Variants in TRHDE observed in about 807,000 individuals in gnomAD.
The protein encoded by TRHDE is thyrotropin releasing hormone degrading enzyme, also known as thyrotropin-releasing hormone-degrading ectoenzyme.
TRHDE carries 72 observed loss-of-function variants against 125.7 expected under a neutral mutation model. That is an observed-to-expected ratio of 0.57 (90% CI 0.47 to 0.70). The LOEUF (loss-of-function observed/expected upper bound fraction) is 0.70, where lower values mean the gene tolerates loss of function less well. Among genes scored for constraint, TRHDE ranks in the 30% least tolerant of loss-of-function variants. The probability of loss-of-function intolerance (pLI) is 0.00; values close to 1 mark genes in which losing one functional copy is unlikely to be tolerated. For synonymous variants in TRHDE, 509 were observed against 509.1 expected (o/e 1.00, Z 0.00); for missense variants, 1,110 against 1,327.1 (o/e 0.84, Z 2.54).
intron 2 of TRHDE, among the ~76,000 whole-genome samples, chr12:72,148,394 G>A (rs1328735258): frequency 6.6e-6 from 1 of 152,078 alleles, no homozygotes; most frequent in Non-Finnish European, 1.5e-5. Flanking sequence ...AATATTTAAA[G>A]TAGCAAAAAA....
chr12:72,480,291 T>C, intron 5 of TRHDE, among the ~76,000 whole-genome samples: 1 of 150,550 alleles, frequency 6.6e-6, no homozygotes. Context: ...AGTGTAAAAG[T>C]GTTCCTATTT....
chr12:72,636,618 C>G (rs1379266103), intron 15 of TRHDE, among the ~76,000 whole-genome samples: 1 of 152,058 alleles, frequency 6.6e-6, no homozygotes, highest in Non-Finnish European at 1.5e-5. Flanking sequence ...TTTGCCCATT[C>G]AGTATGATAT....
At chr12:72,112,240 T>C (rs1006039064) in intron 2 of TRHDE, among the ~76,000 whole-genome samples, 2 of 152,152 alleles carry the variant, frequency 1.3e-5, no homozygotes, top group South Asian at 4.1e-4. Flanking sequence ...TGTTCAGCAC[T>C]GACATAAAGC....
At chr12:72,092,849 A>C (rs941539481) in intron 1 of TRHDE, among the ~76,000 whole-genome samples, 2 of 152,186 alleles carry the variant, frequency 1.3e-5, no homozygotes, top group Non-Finnish European at 2.9e-5. Context: ...CACAACTTAC[A>C]TGTATTATCA....
intron 2 of TRHDE, among the ~76,000 whole-genome samples, chr12:72,376,332 T>A (rs1871880268): frequency 6.6e-6 from 1 of 152,184 alleles, no homozygotes; most frequent in Admixed American, 6.5e-5. Flanking sequence ...TGTACATTCA[T>A]CCTTTTTTAA....
At chr12:72,285,523 T>A (rs902161296) in intron 1 of TRHDE, among the ~76,000 whole-genome samples, 3 of 32,128 alleles carry the variant, frequency 9.3e-5, no homozygotes, top group Non-Finnish European at 5.0e-4. Flanking sequence ...TTTTTTCTTC[T>A]TTTTTTTTTT....
At chr12:72,591,476 C>A (rs1565802199) in intron 12 of TRHDE, among the ~76,000 whole-genome samples, 1 of 151,404 alleles carries the variant, frequency 6.6e-6, no homozygotes, top group African/African-American at 2.4e-5. Context: ...ATAATGTATG[C>A]ATATATATAC....
At chr12:72,326,633 A>C (rs1275713179) in intron 2 of TRHDE, among the ~76,000 whole-genome samples, 1 of 152,216 alleles carries the variant, frequency 6.6e-6, no homozygotes, top group African/African-American at 2.4e-5. Flanking sequence ...CAGAAAATTA[A>C]GAAAAAAATA....
chr12:72,649,936 G>A (rs1874437886), intron 15 of TRHDE, among the ~76,000 whole-genome samples: 1 of 152,106 alleles, frequency 6.6e-6, no homozygotes, highest in Non-Finnish European at 1.5e-5. Context: ...TTATGCGAAT[G>A]CAAAATAGTG....
chr12:72,239,639 A>G (rs1878434851), intron 2 of TRHDE, among the ~76,000 whole-genome samples: 1 of 152,200 alleles, frequency 6.6e-6, no homozygotes, highest in Non-Finnish European at 1.5e-5. Context: ...TGCCTGAGCA[A>G]TGGAAGGATG....
intron 3 of TRHDE, among the ~76,000 whole-genome samples, chr12:72,430,422 T>C (rs1008702087): frequency 6.8e-6 from 1 of 146,940 alleles, no homozygotes; most frequent in African/African-American, 2.5e-5. Flanking sequence ...TGCATATATA[T>C]ACATGTATAT....
intron 12 of TRHDE, among the ~76,000 whole-genome samples, chr12:72,598,501 T>G (rs1363327642): frequency 6.6e-6 from 1 of 152,168 alleles, no homozygotes; most frequent in Non-Finnish European, 1.5e-5. Context: ...AAGTGAGGCA[T>G]AGATCTCTAT....
intron 2 of TRHDE, among the ~76,000 whole-genome samples, chr12:72,153,645 T>C (rs571036138): frequency 0.024 from 3,676 of 150,662 alleles, 89 homozygotes; most frequent in African/African-American, 0.055. Flanking sequence ...GCCTTCATTT[T>C]GTTATGTTCC....
Position 72,097,728 on chromosome 12 carries a change from G to A in TRHDE, n.175-7920G>A, listed in dbSNP as rs1261426603. On this transcript the variant is annotated intron_variant and non_coding_transcript_variant, in intron 1 of 4. Coordinates refer to the TRHDE transcript ENST00000548156. ...AGCCTCCCAAAGTGCTGGGATTAGA[G>A]GCGTGAGCCACTGCACCTAATCTTC... Among the ~76,000 whole-genome samples the A allele has an allele frequency of 2.6e-5, 4 of 152,244 alleles. No individual in the cohort carries two copies. In the East Asian group the frequency reaches 5.8e-4, roughly 22 times the overall value.
At chr12:72,320,733 C>T (rs1869051613) in intron 2 of TRHDE, among the ~76,000 whole-genome samples, 1 of 152,100 alleles carries the variant, frequency 6.6e-6, no homozygotes, top group Admixed American at 6.6e-5. Context: ...AGCCGTTTTG[C>T]TTATATGACA....
chr12:72,584,960 G>T (rs1410288407), intron 12 of TRHDE, among the ~76,000 whole-genome samples: 3 of 152,148 alleles, frequency 2.0e-5, no homozygotes, highest in East Asian at 3.9e-4. Flanking sequence ...GAGCCTTTGT[G>T]TTGGGAAAAT....
At chr12:72,392,095 A>C (rs1319739040) in intron 3 of TRHDE, among the ~76,000 whole-genome samples, 1 of 152,162 alleles carries the variant, frequency 6.6e-6, no homozygotes, top group Non-Finnish European at 1.5e-5. Flanking sequence ...ATCAGCCAGG[A>C]ACAGAGTCAT....
At chr12:72,472,860 C>G (rs557868552) in intron 4 of TRHDE, among the ~76,000 whole-genome samples, 1 of 152,114 alleles carries the variant, frequency 6.6e-6, no homozygotes, top group South Asian at 2.1e-4. Context: ...TTTTGTTCTT[C>G]TCTGAAAGCA....
intron 2 of TRHDE, among the ~76,000 whole-genome samples, chr12:72,185,810 G>A (rs990367591): frequency 3.3e-5 from 5 of 151,870 alleles, no homozygotes; most frequent in South Asian, 4.2e-4. Flanking sequence ...TCTAGCTCAA[G>A]GTTTGTAAAT....
Sources: allele counts gnomAD v4.1 joint callset (sites outside exome capture counted in the v4.1 genomes callset), GRCh38; gene constraint gnomAD v4.1.1; transcripts MANE v1.5; gene names NCBI Gene and HGNC (gene_info 2026-07-23, HGNC 2026-07-21).